Variants in GALNT7 observed in about 807,000 individuals in gnomAD.
GALNT7 encodes the protein polypeptide N-acetylgalactosaminyltransferase 7.
Under a neutral mutation model 82.1 loss-of-function variants are expected in GALNT7, and 60 were observed. The observed-to-expected ratio is 0.73, with a 90% CI of 0.59 to 0.91. GALNT7 has a LOEUF of 0.91. Ranked by LOEUF, GALNT7 falls within the 40% of genes least tolerant of loss-of-function variation. The pLI is 0.00. For missense variants in GALNT7, 660 were observed against 804.2 expected, an observed-to-expected ratio of 0.82 and a Z score of 2.17; for synonymous variants, 243 against 275.1, an observed-to-expected ratio of 0.88 and a Z score of 1.15.
intron 1 of GALNT7, among the ~76,000 whole-genome samples, chr4:173,221,247 G>T (rs895265312): frequency 6.6e-6 from 1 of 152,086 alleles, no homozygotes; most frequent in Non-Finnish European, 1.5e-5. Flanking sequence ...TTTCTCTGAT[G>T]GCCAGTGATG....
chr4:173,309,288 C>G (rs1317366312), intron 8 of GALNT7, among the ~76,000 whole-genome samples: 1 of 152,142 alleles, frequency 6.6e-6, no homozygotes, highest in Non-Finnish European at 1.5e-5. Flanking sequence ...TGTACGTGCT[C>G]TCTCTCAGCT....
In GALNT7 at chr4:173,176,285, G is replaced by A. The variant is rs73870531; in HGVS notation, c.126+7324G>A. Among the ~76,000 whole-genome samples, 52 of 152,240 alleles carry A rather than the reference G, an allele frequency of 3.4e-4. 1 individual carries two copies. The South Asian group carries it at 8.1e-3, about 24-fold the overall frequency. On this transcript the variant is annotated intron_variant, in intron 1 of 11. Transcript: ENST00000265000. ...TGGAGTATTTGAAGCCAGTATGGCC[G>A]GAGTTTGTTGAGTTTGGAGGTAGTA...
At chr4:173,216,996 G>T (rs1229509597) in intron 1 of GALNT7, among the ~76,000 whole-genome samples, 4 of 151,716 alleles carry the variant, frequency 2.6e-5, no homozygotes, top group Non-Finnish European at 5.9e-5. Context: ...CTCCCAAAGT[G>T]CTGGGATTAC....
In GALNT7 at chr4:173,247,996, AT is replaced by A; in HGVS notation, c.144del (p.Asn48LysfsTer12). 6.2e-7 allele frequency: 1 copy of A among 1,611,718 alleles called. No individual in the cohort carries two copies. Among genetic ancestry groups the A allele is most frequent in the Non-Finnish European group, 8.5e-7 (1 of 1,178,458 alleles). On this transcript the variant is annotated frameshift_variant, in exon 2 of 12. Coordinates refer to ENST00000265000, the MANE Select transcript of GALNT7 (RefSeq NM_017423.3). LOFTEE classifies it high-confidence loss of function. ...TTTGTATAGGAAGACAGAGATGTCA[AT>A]GACCCCATGCCCAACCGAGGCGGCA... ...LSRMREDRDV[N>X]DPMPNRGGNG...
intron 1 of GALNT7, among the ~76,000 whole-genome samples, chr4:173,172,003 C>T (rs921065533): frequency 1.3e-5 from 2 of 152,188 alleles, no homozygotes; most frequent in African/African-American, 4.8e-5. Context: ...TCGATTCTTA[C>T]CTCCTGTGGG....
chr4:173,177,748 A>AC, intron 1 of GALNT7, among the ~76,000 whole-genome samples: 1 of 152,246 alleles, frequency 6.6e-6, no homozygotes, highest in South Asian at 2.1e-4. Context: ...TGCTAACCTA[A>AC]CCAGTAGTAC....
intron 2 of GALNT7, among the ~76,000 whole-genome samples, chr4:173,286,383 A>G (rs1184191494): frequency 6.6e-6 from 1 of 152,238 alleles, no homozygotes; most frequent in Non-Finnish European, 1.5e-5. Flanking sequence ...CTTAGAGGGC[A>G]GCACTCCTGC....
At chr4:173,310,319 T>C (rs1737333745) in intron 8 of GALNT7, among the ~76,000 whole-genome samples, 1 of 152,188 alleles carries the variant, frequency 6.6e-6, no homozygotes, top group Non-Finnish European at 1.5e-5. Flanking sequence ...TTGTTCCCTG[T>C]CCCTCCCCCT....
chr4:173,224,978 G>A (rs1733773543), intron 1 of GALNT7, among the ~76,000 whole-genome samples: 1 of 151,376 alleles, frequency 6.6e-6, no homozygotes, highest in Admixed American at 6.6e-5. Flanking sequence ...TTGTGCCACT[G>A]CACTCTAGCC....
At chr4:173,173,628 C>T (rs888784685) in intron 1 of GALNT7, among the ~76,000 whole-genome samples, 2 of 152,162 alleles carry the variant, frequency 1.3e-5, no homozygotes, top group Non-Finnish European at 2.9e-5. Context: ...CAACCCGGAT[C>T]CCTTGCATGC....
Position 173,321,854 on chromosome 4 carries a change from G to T in GALNT7, c.*137G>T. ...CTGGAACCTCCTGATCAGTTTGAAG[G>T]ACATTGATAAACTGTGATTTTACAA... On this transcript the variant is annotated 3_prime_UTR_variant, in exon 12 of 12. Transcript: ENST00000265000. 1.7e-6 allele frequency: 1 copy of T among 581,208 alleles called. No homozygotes were observed. The allele number at this position is 581,208 out of a possible 1,614,324, so 36.0% of individuals were successfully genotyped here. A position where few individuals can be genotyped will look rare whatever the true frequency, so the allele number is the denominator to read the frequency against.
intron 1 of GALNT7, among the ~76,000 whole-genome samples, chr4:173,224,879 G>C (rs373408150): frequency 0.02 from 3,021 of 151,812 alleles, 79 homozygotes; most frequent in Admixed American, 0.063. Flanking sequence ...GCCAGGCGTG[G>C]TGGCGCGCGC....
chr4:173,280,218 T>G (rs992049540), intron 2 of GALNT7, among the ~76,000 whole-genome samples: 3 of 152,072 alleles, frequency 2.0e-5, no homozygotes, highest in African/African-American at 7.2e-5. Flanking sequence ...ACACACACAT[T>G]ATTGTAGATT....
intron 5 of GALNT7, among the ~76,000 whole-genome samples, chr4:173,296,172 C>A (rs1012852998): frequency 1.3e-5 from 2 of 152,144 alleles, no homozygotes; most frequent in Non-Finnish European, 2.9e-5. Context: ...GTTCTAAACA[C>A]TTGAGGAACC....
Position 173,250,002 on chromosome 4 carries a change from C to CT in GALNT7, c.587+1565dup, listed in dbSNP as rs534620687. On this transcript the variant is annotated intron_variant, in intron 2 of 11. Transcript: ENST00000265000. ...CTGTAATGAGGGAGAAGGGAAGGGA[C>CT]TTTCTGCTGCAGGCTGGGACTTAGT... Among the ~76,000 whole-genome samples, 30 of 152,282 alleles carry CT rather than the reference C, an allele frequency of 2.0e-4. No homozygotes were observed. The South Asian group carries it at 6.0e-3, about 31-fold the overall frequency.
chr4:173,258,873 A>C (rs999547833), intron 2 of GALNT7, among the ~76,000 whole-genome samples: 1 of 152,186 alleles, frequency 6.6e-6, no homozygotes, highest in Non-Finnish European at 1.5e-5. Context: ...GTAAAAGGCA[A>C]AGGTTTAGTG....
chr4:173,297,172 A>G (rs145502810), intron 5 of GALNT7, among the ~76,000 whole-genome samples: 2,154 of 150,524 alleles, frequency 0.014, 41 homozygotes, highest in Non-Finnish European at 0.021. Flanking sequence ...TTCTCAGACC[A>G]CTTCTGAAGT....
intron 1 of GALNT7, among the ~76,000 whole-genome samples, chr4:173,228,445 A>T (rs1733910408): frequency 6.6e-6 from 1 of 151,918 alleles, no homozygotes; most frequent in South Asian, 2.1e-4. Context: ...TTTTATAATT[A>T]TATACTATTC....
At chr4:173,203,669 A>ACAT (rs1228348388) in intron 1 of GALNT7, among the ~76,000 whole-genome samples, 1 of 152,182 alleles carries the variant, frequency 6.6e-6, no homozygotes, top group Non-Finnish European at 1.5e-5. Flanking sequence ...TTTATATACA[A>ACAT]CATCATCTAG....
Sources: gnomAD v4.1 joint callset for allele counts (sites outside exome capture counted in the v4.1 genomes callset) on GRCh38, gnomAD v4.1.1 for gene constraint, MANE v1.5 for transcripts, NCBI Gene and HGNC (gene_info 2026-07-23, HGNC 2026-07-21) for gene names.